TLE3: variants seen among roughly 807,000 people sequenced by gnomAD.
TLE3 encodes TLE family member 3, transcriptional corepressor, also known as transducin-like enhancer protein 3.
TLE3 carries 14 observed loss-of-function variants against 93.0 expected under a neutral mutation model. The ratio of observed to expected loss-of-function variants is 0.15; its 90% CI spans 0.10 to 0.24. TLE3 has a LOEUF of 0.24. Ranked by LOEUF, TLE3 falls within the 10% of genes least tolerant of loss-of-function variation. The pLI is 1.00. For synonymous variants in TLE3, 451 were observed against 425.0 expected (o/e 1.06, Z -0.75); for missense variants, 693 against 1,046.6 (o/e 0.66, Z 4.66).
chr15:70,057,368 G>C, intron 13 of TLE3, 91 bp downstream of exon 13: 1 of 1,435,382 alleles, frequency 7.0e-7, no homozygotes, highest in Non-Finnish European at 9.3e-7. Context: ...GACCCTGAGG[G>C]GCCCCTTTAG....
At chr15:70,089,058 C>T (rs116278484) in intron 4 of TLE3, among the ~76,000 whole-genome samples, 2,914 of 152,296 alleles carry the variant, frequency 0.019, 107 homozygotes, top group African/African-American at 0.067. Flanking sequence ...GCAGTCCCCG[C>T]CCCACATCAT....
chr15:70,070,258 G>A (rs991787045), intron 6 of TLE3, among the ~76,000 whole-genome samples: 1 of 152,242 alleles, frequency 6.6e-6, no homozygotes, highest in African/African-American at 2.4e-5. Flanking sequence ...CCATGGCCTG[G>A]CTCAGAAGGT....
intron 13 of TLE3, among the ~76,000 whole-genome samples, chr15:70,056,676 AGAG>A (rs1223606599): frequency 6.6e-6 from 1 of 152,146 alleles, no homozygotes; most frequent in Non-Finnish European, 1.5e-5. Flanking sequence ...CTGCCAGTGG[AGAG>A]GAGGCCACCC....
chr15:70,091,893 C>T (rs112032483), intron 4 of TLE3, among the ~76,000 whole-genome samples: 52 of 152,132 alleles, frequency 3.4e-4, no homozygotes, highest in Non-Finnish European at 1.9e-4. Flanking sequence ...CGTGTATGCG[C>T]GCAGGCTGAG....
At position 70,097,837 on chromosome 15, in the gene TLE3, C is replaced by G; in HGVS notation, c.-1039G>C. On this transcript the variant is annotated 5_prime_UTR_variant, in exon 1 of 20. Coordinates refer to ENST00000451782, the MANE Select transcript of TLE3 (RefSeq NM_001105192.3). ...ACACCAAAAAAAAAAGTGCCCCGGA[C>G]CTACGGATACCACACACAGACAGGC... The G allele has an allele frequency of 2.8e-6, 1 of 360,434 alleles. No homozygotes were observed. Among genetic ancestry groups the G allele is most frequent in the Non-Finnish European group, 4.9e-6 (1 of 202,214 alleles). 22.3% of individuals were successfully genotyped at this position (360,434 alleles called of 1,614,324 possible).
chr15:70,049,994 G>T lies in TLE3; in HGVS notation c.*103C>A. On this transcript the variant is annotated 3_prime_UTR_variant, in exon 20 of 20. Coordinates refer to ENST00000451782, the MANE Select transcript of TLE3 (RefSeq NM_001105192.3). ...CGCAGCCCTGAACGCTCGGCTGCCT[G>T]CGGCCCATCCTCCGCCATCCTCGGG... 1 of 943,164 alleles carries T rather than the reference G, an allele frequency of 1.1e-6. No individual in the cohort carries two copies. The highest frequency in any genetic ancestry group is 1.7e-6 in the Non-Finnish European group (1 of 592,552). The allele number at this position is 943,164 out of a possible 1,614,324, so 58.4% of individuals were successfully genotyped here.
chr15:70,065,984 G>GCCCCCCCCCC, intron 7 of TLE3, 30 bp downstream of exon 7: 13 of 768,672 alleles, frequency 1.7e-5, no homozygotes, highest in East Asian at 7.3e-5. Context: ...CCCCTGCCCC[G>GCCCCCCCCCC]CCCCACCCTC....
chr15:70,089,380 AC>A (rs2058193867), intron 4 of TLE3, among the ~76,000 whole-genome samples: 1 of 152,096 alleles, frequency 6.6e-6, no homozygotes, highest in South Asian at 2.1e-4. Context: ...CCCAGCCCAC[AC>A]CCAGCACATC....
At chr15:70,055,818 T>C (rs370536351) in intron 14 of TLE3, 207 of 236,380 alleles carry the variant, frequency 8.8e-4, no homozygotes, top group African/African-American at 4.5e-3. Context: ...TCAGGCAGTG[T>C]CTCGGCATTA....
At position 70,097,835 on chromosome 15, in the gene TLE3, G is replaced by C; in HGVS notation, c.-1037C>G. 2.8e-6 allele frequency: 1 copy of C among 362,350 alleles called. No individual in the cohort carries two copies. The highest frequency in any genetic ancestry group is 4.0e-5 in the East Asian group (1 of 25,166). 22.4% of individuals were successfully genotyped at this position (362,350 alleles called of 1,614,324 possible). ...ACACACCAAAAAAAAAAGTGCCCCGGACCTACGGATACCACACACAGACAG... is the reference window on the plus strand; with the variant it reads ...ACACACCAAAAAAAAAAGTGCCCCGCACCTACGGATACCACACACAGACAG... On this transcript the variant is annotated 5_prime_UTR_variant, in exon 1 of 20. Coordinates refer to ENST00000451782, the MANE Select transcript of TLE3 (RefSeq NM_001105192.3).
intron 4 of TLE3, among the ~76,000 whole-genome samples, chr15:70,087,214 C>T (rs115233598): frequency 6.6e-6 from 1 of 152,258 alleles, no homozygotes; most frequent in African/African-American, 2.4e-5. Context: ...GGTCCTGTCC[C>T]TCACGGAACT....
In TLE3 at chr15:70,058,868, G is replaced by C; in HGVS notation, c.766-53C>G. On this transcript the variant is annotated intron_variant, in intron 10 of 19. Transcript: ENST00000451782. This position sits in a 1 kb window ranked among gnomAD's most constrained non-coding sequence, Gnocchi z 4.1. The stretch of plus-strand genomic sequence containing the variant: ...ACTGAAAGCAACAGCCAGCCTCGAG[G>C]CTTCCCTGCTCTGGGAGTGGGAAGA... 6.7e-7 allele frequency: 1 copy of C among 1,492,154 alleles called. No homozygotes were observed. Among genetic ancestry groups the C allele is most frequent in the South Asian group, 1.4e-5 (1 of 73,178 alleles). The allele number at this position is 1,492,154 out of a possible 1,614,324, so 92.4% of individuals were successfully genotyped here.
At position 70,094,547 on chromosome 15, in the gene TLE3, A is replaced by C; in HGVS notation, c.219T>G (p.Ile73Met). 1 of 1,557,086 alleles carries C rather than the reference A, an allele frequency of 6.4e-7. No homozygotes were observed. The highest frequency in any genetic ancestry group is 1.2e-5 in the South Asian group (1 of 83,538). The change falls in exon 4 of 20, where the codon ATT (isoleucine) becomes ATG (methionine). Residue 73 changes from isoleucine to methionine, a missense_variant. Ile to Met is a conservative substitution (Grantham distance 10). Coordinates refer to ENST00000451782, the MANE Select transcript of TLE3 (RefSeq NM_001105192.3). Reference sequence around the variant, plus strand: ...AAGCACTTACCTGCTTGTGCATTTCAATGTTCAAGCCATAGGACATCTCAT... The same window carrying C: ...AAGCACTTACCTGCTTGTGCATTTCCATGTTCAAGCCATAGGACATCTCAT... The part of the protein sequence containing the change: ...MYYEMSYGLN[I>M]EMHKQTEIAK...
chr15:70,097,781 C>T lies in TLE3; in HGVS notation c.-983G>A. 8.2e-6 allele frequency: 3 copies of T among 368,046 alleles called. No individual in the cohort carries two copies. Among genetic ancestry groups the T allele is most frequent in the Non-Finnish European group, 1.4e-5 (3 of 207,926 alleles). The allele number at this position is 368,046 out of a possible 1,614,324, so 22.8% of individuals were successfully genotyped here. ...AAACCCCCAAAACACACACACCCAA[C>T]ACACACACACGCGCGCACGCACACA... On this transcript the variant is annotated 5_prime_UTR_variant, in exon 1 of 20. Transcript: ENST00000451782.
intron 13 of TLE3, 136 bp downstream of exon 13, chr15:70,057,323 T>C (rs1379867074): frequency 1.9e-6 from 2 of 1,044,406 alleles, no homozygotes. Flanking sequence ...TTGTTTCCGA[T>C]ACACCTTCCC....
Position 70,061,907 on chromosome 15 carries a change from T to G in TLE3, c.595-1258A>C, listed in dbSNP as rs2056501356. On this transcript the variant is annotated intron_variant, in intron 8 of 19. Coordinates refer to ENST00000451782, the MANE Select transcript of TLE3 (RefSeq NM_001105192.3). ...GGTCATATGGAGACCCAGAGGGACA[T>G]CTGTTCAGAAGAGAAGAGCATCAGA... is the stretch of plus-strand genomic sequence containing the variant. 4.0e-5 allele frequency among the ~76,000 whole-genome samples: 6 copies of G among 150,814 alleles called. No homozygotes were observed. In the South Asian group the frequency reaches 1.2e-3, roughly 31 times the overall value.
intron 8 of TLE3, among the ~76,000 whole-genome samples, chr15:70,061,444 C>T (rs1338408735): frequency 2.6e-5 from 4 of 152,060 alleles, no homozygotes. Flanking sequence ...TGAGTTCTCC[C>T]TCAACTATAA....
chr15:70,094,418 A>G, intron 4 of TLE3, 114 bp downstream of exon 4: 1 of 798,270 alleles, frequency 1.3e-6, no homozygotes, highest in Middle Eastern at 3.2e-4. Flanking sequence ...CTTCAAGGAG[A>G]AGGGGGAGGA....
intron 17 of TLE3, chr15:70,052,784 T>G: frequency 2.9e-6 from 1 of 341,802 alleles, no homozygotes. Context: ...AAAACTAAAA[T>G]ATTAAAAATT....
Sources: allele counts gnomAD v4.1 joint callset (sites outside exome capture counted in the v4.1 genomes callset), GRCh38; gene constraint gnomAD v4.1.1; non-coding constraint Gnocchi (gnomAD v3.1); transcripts MANE v1.5; gene names NCBI Gene and HGNC (gene_info 2026-07-23, HGNC 2026-07-21).